The following PDZRN3 variants were observed in gnomAD, a reference collection of about 807,000 sequenced individuals.
PDZRN3 encodes E3 ubiquitin-protein ligase PDZRN3.
PDZRN3 carries 38 observed loss-of-function variants against 85.7 expected under a neutral mutation model. The observed-to-expected ratio is 0.44, with a 90% CI of 0.34 to 0.58. The LOEUF is 0.58. Among genes scored for constraint, PDZRN3 ranks in the 20% least tolerant of loss-of-function variants. PDZRN3 has a pLI of 0.01. For synonymous variants in PDZRN3, 759 were observed against 638.0 expected, an observed-to-expected ratio of 1.19 and a Z score of -2.86; for missense variants, 1,629 against 1,506.4, an observed-to-expected ratio of 1.08 and a Z score of -1.35.
At chr3:73,589,100 T>G (rs2106877239) in intron 3 of PDZRN3, among the ~76,000 whole-genome samples, 1 of 151,376 alleles carries the variant, frequency 6.6e-6, no homozygotes, top group Admixed American at 6.6e-5. Flanking sequence ...CAGGCTGGAG[T>G]GCAGTGGTGC....
chr3:73,513,981 C>T lies in PDZRN3; in HGVS notation c.918+88373G>A, dbSNP rs533745701. On this transcript the variant is annotated intron_variant, in intron 3 of 9. Coordinates refer to ENST00000263666, the MANE Select transcript of PDZRN3 (RefSeq NM_015009.3). ...AGGATATTTAAGGGTCAGGCTGCCACTGTCAAACAAAATAAAACCATTTAG... is the reference window on the plus strand; with the variant it reads ...AGGATATTTAAGGGTCAGGCTGCCATTGTCAAACAAAATAAAACCATTTAG... Among the ~76,000 whole-genome samples the T allele has an allele frequency of 1.6e-4, 24 of 152,310 alleles. No individual in the cohort carries two copies. The South Asian group carries it at 2.5e-3, about 16-fold the overall frequency.
At chr3:73,524,975 T>C (rs1454919861) in intron 3 of PDZRN3, among the ~76,000 whole-genome samples, 1 of 149,904 alleles carries the variant, frequency 6.7e-6, no homozygotes, top group Non-Finnish European at 1.5e-5. Flanking sequence ...TATATGAAAA[T>C]CACAGATATA....
At chr3:73,510,917 A>G (rs928075320) in intron 3 of PDZRN3, among the ~76,000 whole-genome samples, 1 of 152,192 alleles carries the variant, frequency 6.6e-6, no homozygotes, top group Admixed American at 6.5e-5. Context: ...TACTATACTC[A>G]TCTATTTTCA....
intron 1 of PDZRN3, among the ~76,000 whole-genome samples, chr3:73,615,657 A>T (rs1702750377): frequency 6.6e-6 from 1 of 152,150 alleles, no homozygotes; most frequent in Non-Finnish European, 1.5e-5. Context: ...ATCTGCTAGC[A>T]CCTTGATCTA....
chr3:73,561,564 GTTAT>G (rs1260118364), intron 3 of PDZRN3: 1 of 152,204 alleles, frequency 6.6e-6, no homozygotes, highest in African/African-American at 2.4e-5. Flanking sequence ...GCTCGGAAGT[GTTAT>G]TTCTCAGCAA....
chr3:73,490,479 C>T (rs1703749814), intron 3 of PDZRN3, among the ~76,000 whole-genome samples: 1 of 152,216 alleles, frequency 6.6e-6, no homozygotes, highest in Non-Finnish European at 1.5e-5. Context: ...AAGAGCAGAT[C>T]TTGCTCCTTT....
intron 3 of PDZRN3, among the ~76,000 whole-genome samples, chr3:73,541,195 A>G (rs926982260): frequency 1.3e-5 from 2 of 152,246 alleles, no homozygotes; most frequent in Non-Finnish European, 2.9e-5. Flanking sequence ...TGTGGTATAC[A>G]TATCTTTAAA....
At chr3:73,556,216 T>A (rs973842692) in intron 3 of PDZRN3, among the ~76,000 whole-genome samples, 1 of 152,072 alleles carries the variant, frequency 6.6e-6, no homozygotes, top group Non-Finnish European at 1.5e-5. Flanking sequence ...TCTATGAAAG[T>A]TTTTCATTTG....
intron 3 of PDZRN3, among the ~76,000 whole-genome samples, chr3:73,431,579 G>T (rs2106800687): frequency 6.6e-6 from 1 of 152,308 alleles, no homozygotes; most frequent in Non-Finnish European, 1.5e-5. Context: ...AGTGTTTTGT[G>T]AATTCCTTTA....
chr3:73,453,227 G>A (rs1330733197), intron 3 of PDZRN3, among the ~76,000 whole-genome samples: 1 of 151,864 alleles, frequency 6.6e-6, no homozygotes, highest in Non-Finnish European at 1.5e-5. Flanking sequence ...CCAACATGGT[G>A]AAACCCTGTC....
chr3:73,456,987 T>C (rs1352549543), intron 3 of PDZRN3, among the ~76,000 whole-genome samples: 3 of 152,078 alleles, frequency 2.0e-5, no homozygotes, highest in African/African-American at 7.2e-5. Flanking sequence ...TTAAAATGTA[T>C]GTATCCTGTT....
At chr3:73,518,632 A>G (rs1392898707) in intron 3 of PDZRN3, among the ~76,000 whole-genome samples, 3 of 152,182 alleles carry the variant, frequency 2.0e-5, no homozygotes, top group Non-Finnish European at 1.5e-5. Flanking sequence ...TATAAACAAC[A>G]GACATTTATT....
intron 3 of PDZRN3, among the ~76,000 whole-genome samples, chr3:73,455,214 T>C (rs1224921137): frequency 6.6e-6 from 1 of 152,180 alleles, no homozygotes; most frequent in African/African-American, 2.4e-5. Flanking sequence ...TAAGTACCAT[T>C]TGTTATTTCA....
chr3:73,435,422 T>C (rs1445202556), intron 3 of PDZRN3, among the ~76,000 whole-genome samples: 2 of 152,216 alleles, frequency 1.3e-5, no homozygotes. Flanking sequence ...GTTTTGATGC[T>C]GCGCAGGGCC....
chr3:73,598,176 A>G (rs542175251), intron 3 of PDZRN3, among the ~76,000 whole-genome samples: 12 of 152,304 alleles, frequency 7.9e-5, no homozygotes, highest in Admixed American at 6.5e-5. Context: ...CACTTTGGGC[A>G]CTGGGAAAAT....
intron 3 of PDZRN3, among the ~76,000 whole-genome samples, chr3:73,532,993 T>C (rs1249396125): frequency 6.6e-6 from 1 of 152,176 alleles, no homozygotes; most frequent in Non-Finnish European, 1.5e-5. Context: ...AAAATCACAG[T>C]TTAAAAAAGG....
chr3:73,610,651 C>T (rs1193865342), intron 1 of PDZRN3, among the ~76,000 whole-genome samples: 3 of 152,146 alleles, frequency 2.0e-5, no homozygotes, highest in Non-Finnish European at 4.4e-5. Context: ...TCTTACATGT[C>T]TGGCTTTCAT....
At chr3:73,495,789 T>TTTATGTAAATGAAAGTTGTTTA (rs1703855442) in intron 3 of PDZRN3, among the ~76,000 whole-genome samples, 1 of 152,202 alleles carries the variant, frequency 6.6e-6, no homozygotes, top group Non-Finnish European at 1.5e-5. Flanking sequence ...CCAAAGAAAG[T>TTTATGTAAATGAAAGTTGTTTA]TTATGTAAAT....
Position 73,384,270 on chromosome 3 carries a change from T to C in PDZRN3, c.2296A>G (p.Ser766Gly), listed in dbSNP as rs1273431378. The change falls in exon 10 of 10, where the codon AGC becomes GGC. Residue 766 changes from serine to glycine, a missense_variant. Transcript: ENST00000263666. ...SAYNTGESCR[S>G]TPLTLEISPD... is the part of the protein sequence containing the mutation. The stretch of plus-strand genomic sequence containing the variant: ...GAGATCTCCAGGGTGAGCGGGGTGC[T>C]GCGGCAGCTCTCGCCTGTGTTGTAG... The C allele has an allele frequency of 1.9e-6, 3 of 1,613,004 alleles. No individual in the cohort carries two copies. Among genetic ancestry groups the C allele is most frequent in the South Asian group, 2.2e-5 (2 of 91,082 alleles).
Sources: gnomAD v4.1 joint callset for allele counts (sites outside exome capture counted in the v4.1 genomes callset) on GRCh38, gnomAD v4.1.1 for gene constraint, MANE v1.5 for transcripts, NCBI Gene and HGNC (gene_info 2026-07-23, HGNC 2026-07-21) for gene names.